Variants in EPHA10 observed in about 807,000 individuals in gnomAD.
EPHA10 encodes the protein ephrin type-A receptor 10.
EPHA10 carries 120 observed loss-of-function variants against 109.7 expected under a neutral mutation model. The ratio of observed to expected loss-of-function variants is 1.09; its 90% CI spans 0.94 to 1.27. The LOEUF is 1.27. Ranked by LOEUF, EPHA10 falls within the 50% of genes most tolerant of loss-of-function variation. The probability of loss-of-function intolerance (pLI) is 0.00; values close to 1 mark genes in which losing one functional copy is unlikely to be tolerated. For synonymous variants in EPHA10, 640 were observed against 618.9 expected (o/e 1.03, Z -0.51); for missense variants, 1,396 against 1,411.1 (o/e 0.99, Z 0.17).
chr1:37,754,241 G>A lies in EPHA10; in HGVS notation c.980C>T (p.Thr327Ile). ...GGTGCAGGAAGCCGAGGGCGGGTCGGTGGGTGAGCGCGCATAGCTGTCCTG... is the reference window on the plus strand; with the variant it reads ...GGTGCAGGAAGCCGAGGGCGGGTCGATGGGTGAGCGCGCATAGCTGTCCTG... ...VCQDSYARSP[T>I]DPPSASCTRP... is the part of the protein sequence containing the mutation. Residue 327 changes from threonine (T) to isoleucine (I), a missense_variant, in exon 4 of 17, where the codon ACC becomes ATC. Physicochemically the swap from Thr to Ile is moderately conservative, Grantham distance 89. Transcript: ENST00000373048. The surrounding 1 kb of genome is among the most constrained non-coding windows in gnomAD (Gnocchi z 4.5). 7.6e-7 allele frequency: 1 copy of A among 1,316,696 alleles called. No individual in the cohort carries two copies. The highest frequency in any genetic ancestry group is 2.4e-5 in the South Asian group (1 of 41,360). The allele number at this position is 1,316,696 out of a possible 1,614,324, so 81.6% of individuals were successfully genotyped here. A position where few individuals can be genotyped will look rare whatever the true frequency, so the allele number is the denominator to read the frequency against.
rs1159141566 is a variant in EPHA10, at chr1:37,718,753, C to T, written c.2820G>A (p.Ala940=). 5.6e-6 allele frequency: 9 copies of T among 1,613,144 alleles called. No individual in the cohort carries two copies. The highest frequency in any genetic ancestry group is 1.7e-4 in the Middle Eastern group (1 of 5,938). The stretch of plus-strand genomic sequence containing the variant: ...GGCACAGGTCCAGGGCCTCCAGCCA[C>T]GCGCCCACAGAGCCAAAGGAGGGGA... ...STFPSFGSVG[A]WLEALDLCRY... The change falls in exon 16 of 17, where the codon GCG becomes GCA. Residue 940 remains alanine, a synonymous_variant. Transcript: ENST00000373048.
At chr1:37,720,925 G>T in intron 11 of EPHA10, 81 bp from the exon 12 acceptor site, 1 of 1,434,148 alleles carries the variant, frequency 7.0e-7, no homozygotes, top group South Asian at 1.2e-5. Flanking sequence ...CAGGGTCCCA[G>T]ACTGGGCCTC....
intron 4 of EPHA10, 22 bp from the exon 5 acceptor site, chr1:37,753,248 GC>G: frequency 7.8e-7 from 1 of 1,280,912 alleles, no homozygotes; most frequent in South Asian, 2.4e-5. Flanking sequence ...CAGGGGCGGG[GC>G]GGTCAGGGCG....
At chr1:37,762,982 TC>T in intron 1 of EPHA10, 133 bp from the exon 2 acceptor site, 3 of 783,390 alleles carry the variant, frequency 3.8e-6, no homozygotes, top group East Asian at 5.7e-5. Flanking sequence ...GGCAAGTTTT[TC>T]CCACTCCATA....
rs536628850 is a variant in EPHA10 at position 37,725,506 on chromosome 1, C to CAAAAAAAAAAAAAAAAAAAA, written c.1772+1576_1772+1595dup. ...GGGTGACAAGAGCAAGGCTCCATCTCAAAAAAAAAAAAAAAAAAAAAAAAG... is the reference window on the plus strand; with the variant it reads ...GGGTGACAAGAGCAAGGCTCCATCTCAAAAAAAAAAAAAAAAAAAAAAAAAAAAAAAAAAAAAAAAAAAAG... On this transcript the variant is annotated intron_variant, in intron 8 of 16. Coordinates refer to ENST00000373048, the MANE Select transcript of EPHA10 (RefSeq NM_001099439.2). Among the ~76,000 whole-genome samples, 2 of 56,434 alleles carry CAAAAAAAAAAAAAAAAAAAA rather than the reference C, an allele frequency of 3.5e-5. 1 individual carries two copies. The allele number at this position is 56,434 out of a possible 152,430, so 37.0% of individuals were successfully genotyped here. A position where few individuals can be genotyped will look rare whatever the true frequency, so the allele number is the denominator to read the frequency against.
In EPHA10 at chr1:37,717,034, AC is replaced by A. The variant is rs1224854154; in HGVS notation, c.*1337del. 1.2e-5 allele frequency: 2 copies of A among 160,104 alleles called. No individual in the cohort carries two copies. Among genetic ancestry groups the A allele is most frequent in the African/African-American group, 5.2e-5 (2 of 38,772 alleles). The allele number at this position is 160,104 out of a possible 1,614,324, so 9.9% of individuals were successfully genotyped here. ...TGTCTCCTCTTTCCCGCCCCATCCC[AC>A]CCCACCAACACACAGCCAAGCAGAG... On this transcript the variant is annotated 3_prime_UTR_variant, in exon 17 of 17. Transcript: ENST00000373048.
At chr1:37,726,885 A>G (rs1215163606) in intron 8 of EPHA10, among the ~76,000 whole-genome samples, 1 of 152,192 alleles carries the variant, frequency 6.6e-6, no homozygotes, top group East Asian at 1.9e-4. Flanking sequence ...AATCCCCTTC[A>G]TCCCAGAGCA....
At position 37,717,935 on chromosome 1, in the gene EPHA10, C is replaced by T. The variant is rs577330242; in HGVS notation, c.*437G>A. 2 of 247,664 alleles carry T rather than the reference C, an allele frequency of 8.1e-6. No homozygotes were observed. Among genetic ancestry groups the T allele is most frequent in the African/African-American group, 2.2e-5 (1 of 45,460 alleles). The allele number at this position is 247,664 out of a possible 1,614,324, so 15.3% of individuals were successfully genotyped here. A position where few individuals can be genotyped will look rare whatever the true frequency, so the allele number is the denominator to read the frequency against. ...CACTGCCAGGTAGAAGAAGACCCCC[C>T]CAGGACCCACGCTGTCTGACTGGTC... On this transcript the variant is annotated 3_prime_UTR_variant, in exon 17 of 17. Transcript: ENST00000373048.
chr1:37,719,121 A>G, intron 15 of EPHA10: 1 of 590,418 alleles, frequency 1.7e-6, no homozygotes, highest in Non-Finnish European at 3.0e-6. Context: ...AATTTCACAT[A>G]TTTGATTCAT....
chr1:37,725,406 C>T (rs1487962129), intron 8 of EPHA10, among the ~76,000 whole-genome samples: 5 of 146,756 alleles, frequency 3.4e-5, no homozygotes, highest in South Asian at 2.1e-4. Context: ...CTCAGGAGGC[C>T]GAGGCAAAAG....
intron 3 of EPHA10, among the ~76,000 whole-genome samples, chr1:37,759,385 A>G (rs897832841): frequency 2.0e-5 from 3 of 151,990 alleles, no homozygotes; most frequent in African/African-American, 2.4e-5. Flanking sequence ...TCTGCATGCA[A>G]TTCCTAAGCT....
chr1:37,741,072 A>G (rs1026026472), intron 5 of EPHA10, among the ~76,000 whole-genome samples: 10 of 152,298 alleles, frequency 6.6e-5, no homozygotes, highest in African/African-American at 2.4e-4. Flanking sequence ...TGACTTTTCC[A>G]GTGGTTAGCC....
At position 37,724,153 on chromosome 1, in the gene EPHA10, G is replaced by A. The variant is rs371424115; in HGVS notation, c.1773-781C>T. Among the ~76,000 whole-genome samples, 31 of 152,314 alleles carry A rather than the reference G, an allele frequency of 2.0e-4. No individual in the cohort carries two copies. The East Asian group carries it at 2.9e-3, about 14-fold the overall frequency. On this transcript the variant is annotated intron_variant, in intron 8 of 16. Transcript: ENST00000373048. ...TGGTTCTAGCTATGGGGTCAACATGGGCATGGAGAGAGGCAGAGGACTCGA... is the reference window on the plus strand; with the variant it reads ...TGGTTCTAGCTATGGGGTCAACATGAGCATGGAGAGAGGCAGAGGACTCGA...
chr1:37,739,116 G>A (rs190714607), intron 5 of EPHA10, among the ~76,000 whole-genome samples: 137 of 151,964 alleles, frequency 9.0e-4, no homozygotes, highest in African/African-American at 2.9e-3. Flanking sequence ...AAACCTGCAC[G>A]CTGTGTACAT....
intron 3 of EPHA10, among the ~76,000 whole-genome samples, chr1:37,756,331 AG>A (rs1335139301): frequency 2.0e-5 from 3 of 152,214 alleles, no homozygotes; most frequent in Admixed American, 2.0e-4. Context: ...ATCTGTTCGC[AG>A]GGTTTCACAA....
chr1:37,720,884 C>T lies in EPHA10; in HGVS notation c.2147-40G>A, dbSNP rs201124146. The T allele has an allele frequency of 1.5e-4, 238 of 1,603,880 alleles. No homozygotes were observed. In the African/African-American group the frequency reaches 2.7e-3, roughly 18 times the overall value. On this transcript the variant is annotated intron_variant, in intron 11 of 16. Transcript: ENST00000373048. ...GGGAACACACATGCTAAGTTGTCCA[C>T]TCCACTCCGCACGCACACAAGTTTC... is the stretch of plus-strand genomic sequence containing the variant.
chr1:37,722,942 G>A (rs769937341), intron 10 of EPHA10, 99 bp downstream of exon 10: 5 of 1,569,830 alleles, frequency 3.2e-6, no homozygotes, highest in East Asian at 2.2e-5. Context: ...CTGGGTGGAG[G>A]TGGGCTTCAG....
intron 8 of EPHA10, among the ~76,000 whole-genome samples, chr1:37,723,812 G>A (rs1167676033): frequency 6.6e-6 from 1 of 152,256 alleles, no homozygotes; most frequent in Non-Finnish European, 1.5e-5. Flanking sequence ...AAAGGAGAAA[G>A]GTGCTGTACT....
chr1:37,731,654 G>A (rs577383400), intron 6 of EPHA10, 72 bp from the exon 7 acceptor site: 21 of 1,461,946 alleles, frequency 1.4e-5, no homozygotes, highest in Non-Finnish European at 1.9e-5. Context: ...GGGTGAACAG[G>A]AACAGGGAGG....
Sources: allele counts gnomAD v4.1 joint callset (sites outside exome capture counted in the v4.1 genomes callset), GRCh38; gene constraint gnomAD v4.1.1; non-coding constraint Gnocchi (gnomAD v3.1); transcripts MANE v1.5; gene names NCBI Gene and HGNC (gene_info 2026-07-23, HGNC 2026-07-21).